The following RNF32 variants were observed in gnomAD, a reference collection of about 807,000 sequenced individuals.
RNF32 encodes the protein ring finger protein 32.
In RNF32, 36 loss-of-function variants were observed where a neutral mutation model predicts 41.0. The ratio of observed to expected loss-of-function variants is 0.88; its 90% CI spans 0.67 to 1.16. RNF32 has a LOEUF of 1.16. Among genes scored for constraint, RNF32 ranks in the 50% most tolerant of loss-of-function variants. The pLI is 0.00. For missense variants in RNF32, 413 were observed against 436.7 expected (o/e 0.95, Z 0.48); for synonymous variants, 154 against 160.9 (o/e 0.96, Z 0.32).
chr7:156,671,109 T>C (rs571308293), intron 7 of RNF32, among the ~76,000 whole-genome samples: 10 of 152,306 alleles, frequency 6.6e-5, no homozygotes, highest in South Asian at 2.1e-4. Context: ...GCTAAAAGAA[T>C]AGAAACAGAG....
intron 7 of RNF32, chr7:156,659,874 A>T (rs1163099815): frequency 1.0e-6 from 1 of 983,956 alleles, no homozygotes; most frequent in East Asian, 1.1e-4. Flanking sequence ...AAGGAAACGA[A>T]AAATAACAAA....
intron 7 of RNF32, among the ~76,000 whole-genome samples, chr7:156,661,239 C>T (rs1289778766): frequency 2.0e-5 from 3 of 151,994 alleles, no homozygotes; most frequent in Non-Finnish European, 4.4e-5. Context: ...TTCTTCCCAT[C>T]GTGGCCAGAA....
At chr7:156,650,580 AG>A (rs1334566358) in intron 3 of RNF32, among the ~76,000 whole-genome samples, 1 of 152,186 alleles carries the variant, frequency 6.6e-6, no homozygotes, top group Non-Finnish European at 1.5e-5. Context: ...TCCCGTTCTA[AG>A]GTCTTGATTA....
At chr7:156,659,588 T>C in intron 7 of RNF32, 1 of 954,998 alleles carries the variant, frequency 1.0e-6, no homozygotes, top group African/African-American at 1.8e-5. Flanking sequence ...CTTATACAAT[T>C]TTAATTACAG....
At chr7:156,661,187 C>T (rs548496110) in intron 7 of RNF32, among the ~76,000 whole-genome samples, 1 of 140,818 alleles carries the variant, frequency 7.1e-6, no homozygotes, top group Non-Finnish European at 1.5e-5. Context: ...GTCACTTCAG[C>T]TTAAACTCCA....
rs111613998 is a variant in RNF32 at position 156,653,444 on chromosome 7, T to C, written c.275-1132T>C. 4.6e-3 allele frequency among the ~76,000 whole-genome samples: 696 copies of C among 152,316 alleles called. 3 individuals carry two copies. The highest frequency in any genetic ancestry group is 0.024 in the Middle Eastern group (7 of 294). On this transcript the variant is annotated intron_variant, in intron 3 of 8. Coordinates refer to ENST00000317955, the MANE Select transcript of RNF32 (RefSeq NM_030936.4). Reference sequence around the variant, plus strand: ...TGTTGTTAAGCATCTCAGGACTGTATCTTAGCTTTCTCTTCCAGCCTTTCA... The same window carrying C: ...TGTTGTTAAGCATCTCAGGACTGTACCTTAGCTTTCTCTTCCAGCCTTTCA...
rs1253879557 is a variant in RNF32 at position 156,669,182 on chromosome 7, G to T, written c.685-6514G>T. The T allele has an allele frequency of 6.6e-6, 1 of 152,264 alleles. No individual in the cohort carries two copies. The highest frequency in any genetic ancestry group is 1.5e-5 in the Non-Finnish European group (1 of 68,082). 9.4% of individuals were successfully genotyped at this position (152,264 alleles called of 1,614,324 possible). On this transcript the variant is annotated intron_variant, in intron 7 of 8. Coordinates refer to ENST00000317955, the MANE Select transcript of RNF32 (RefSeq NM_030936.4). This position sits in a 1 kb window ranked among gnomAD's most constrained non-coding sequence, Gnocchi z 4.2. ...GACCAGCCCCTCTGGGCAGACACAG[G>T]TGCAAGGGCCCAGGTGTGAGCACCC... is the stretch of plus-strand genomic sequence containing the variant.
Position 156,644,879 on chromosome 7 carries a change from T to C in RNF32, c.274+122T>C, listed in dbSNP as rs1002384800. On this transcript the variant is annotated intron_variant, in intron 3 of 8. Coordinates refer to ENST00000317955, the MANE Select transcript of RNF32 (RefSeq NM_030936.4). Reference sequence around the variant, plus strand: ...TTATAATTATACAGAGAGGTGTGTATGTATTGAAGGTATGTATGTATTGAA... The same window carrying C: ...TTATAATTATACAGAGAGGTGTGTACGTATTGAAGGTATGTATGTATTGAA... 15 of 1,024,466 alleles carry C rather than the reference T, an allele frequency of 1.5e-5. No homozygotes were observed. The African/African-American group carries it at 2.5e-4, about 17-fold the overall frequency. 63.5% of individuals were successfully genotyped at this position (1,024,466 alleles called of 1,614,324 possible).
At position 156,655,202 on chromosome 7, in the gene RNF32, ATAC is replaced by A. The variant is rs1192718425; in HGVS notation, c.417+489_417+491del. 2.6e-5 allele frequency among the ~76,000 whole-genome samples: 4 copies of A among 152,182 alleles called. 1 individual carries two copies. In the South Asian group the frequency reaches 8.3e-4, roughly 32 times the overall value. ...AAACTTTACCATAGTAAGACTGATG[ATAC>A]TACTCTGGGTTAACAGATAATATAC... On this transcript the variant is annotated intron_variant, in intron 4 of 8. Transcript: ENST00000317955.
intron 3 of RNF32, 116 bp downstream of exon 3, chr7:156,644,873 T>G (rs1797791200): frequency 9.3e-7 from 1 of 1,070,262 alleles, no homozygotes; most frequent in African/African-American, 1.6e-5. Context: ...TACAGAGAGG[T>G]GTGTATGTAT....
chr7:156,654,707 C>G lies in RNF32; in HGVS notation c.406C>G (p.Leu136Val), dbSNP rs1191702376. The change falls in exon 4 of 9, where the codon CTT (leucine) becomes GTT (valine). Residue 136 changes from leucine (L) to valine (V), a missense_variant. Coordinates refer to ENST00000317955, the MANE Select transcript of RNF32 (RefSeq NM_030936.4). ...CCCCATCTGTAAAGAAGAATTCGAGCTTCGTCCTCAGGTGTTTAGCATACG... is the reference window on the plus strand; with the variant it reads ...CCCCATCTGTAAAGAAGAATTCGAGGTTCGTCCTCAGGTGTTTAGCATACG... ...PCPICKEEFE[L>V]RPQVLLSCSH... The G allele has an allele frequency of 1.2e-6, 2 of 1,614,012 alleles. No homozygotes were observed. Among genetic ancestry groups the G allele is most frequent in the Middle Eastern group, 1.7e-4 (1 of 6,060 alleles).
At chr7:156,664,112 A>G (rs1036978479) in intron 7 of RNF32, among the ~76,000 whole-genome samples, 1 of 152,254 alleles carries the variant, frequency 6.6e-6, no homozygotes, top group Non-Finnish European at 1.5e-5. Flanking sequence ...TCCAGTGCAC[A>G]CGGCACATTG....
chr7:156,649,244 C>G (rs918348590), intron 3 of RNF32, among the ~76,000 whole-genome samples: 3 of 151,638 alleles, frequency 2.0e-5, no homozygotes, highest in Admixed American at 6.6e-5. Context: ...CGGGGAAATA[C>G]TGTATTTACA....
chr7:156,676,292 C>G (rs1563106090), intron 8 of RNF32, 127 bp from the exon 9 acceptor site: 1 of 1,591,424 alleles, frequency 6.3e-7, no homozygotes, highest in African/African-American at 1.3e-5. Flanking sequence ...GATTTTAACA[C>G]AGAATGAAAC....
intron 7 of RNF32, among the ~76,000 whole-genome samples, chr7:156,663,879 C>T (rs1451210896): frequency 6.6e-6 from 1 of 152,210 alleles, no homozygotes; most frequent in Admixed American, 6.5e-5. Flanking sequence ...TTAAAGAACA[C>T]TGCTTTATGC....
rs757473495 is a variant in RNF32 at position 156,654,740 on chromosome 7, G to A, written c.417+22G>A. 2.5e-6 allele frequency: 4 copies of A among 1,607,330 alleles called. No individual in the cohort carries two copies. In the South Asian group the frequency reaches 4.4e-5, roughly 18 times the overall value. ...TCAGGTGTTTAGCATACGAGGGTGAGCTAGAGAGCTCCTGGGCTGTTTCCT... is the reference window on the plus strand; with the variant it reads ...TCAGGTGTTTAGCATACGAGGGTGAACTAGAGAGCTCCTGGGCTGTTTCCT... On this transcript the variant is annotated intron_variant, in intron 4 of 8. Coordinates refer to ENST00000317955, the MANE Select transcript of RNF32 (RefSeq NM_030936.4).
chr7:156,663,503 G>A (rs1015277001), intron 7 of RNF32, among the ~76,000 whole-genome samples: 3 of 152,164 alleles, frequency 2.0e-5, no homozygotes, highest in Non-Finnish European at 4.4e-5. Flanking sequence ...ACACTGGAAT[G>A]AGTAAAAATG....
chr7:156,672,253 C>G (rs750496963), intron 7 of RNF32, among the ~76,000 whole-genome samples: 1 of 152,118 alleles, frequency 6.6e-6, no homozygotes. Context: ...ATGGTCGGTG[C>G]GTGTACTGAG....
chr7:156,644,154 C>T lies in RNF32; in HGVS notation c.15+262C>T, dbSNP rs549128359. On this transcript the variant is annotated intron_variant, in intron 2 of 8. Transcript: ENST00000317955. ...AAATTATTAAGTTTTCACAAAAAGG[C>T]ATAAGCTGAAATGGCAGGAGTCTCC... Among the ~76,000 whole-genome samples the T allele has an allele frequency of 2.1e-4, 32 of 152,286 alleles. 1 individual carries two copies. The South Asian group carries it at 6.0e-3, about 29-fold the overall frequency.
Sources: gnomAD v4.1 joint callset for allele counts (sites outside exome capture counted in the v4.1 genomes callset) on GRCh38, gnomAD v4.1.1 for gene constraint, Gnocchi (gnomAD v3.1) non-coding constraint, MANE v1.5 for transcripts, NCBI Gene and HGNC (gene_info 2026-07-23, HGNC 2026-07-21) for gene names.